PHLPP1: variants seen among roughly 807,000 people sequenced by gnomAD.
PHLPP1 encodes the protein PH domain leucine-rich repeat-containing protein phosphatase 1.
A neutral mutation model predicts 117.2 loss-of-function variants in PHLPP1; 42 were observed. The observed-to-expected ratio is 0.36, with a 90% CI of 0.28 to 0.46. The LOEUF is 0.46. Ranked by LOEUF, PHLPP1 falls within the 20% of genes least tolerant of loss-of-function variation. The pLI is 1.00. For missense variants in PHLPP1, 2,084 were observed against 2,241.9 expected (o/e 0.93, Z 1.42); for synonymous variants, 1,042 against 970.7 (o/e 1.07, Z -1.37).
intron 1 of PHLPP1, among the ~76,000 whole-genome samples, chr18:62,767,383 C>A (rs1912583065): frequency 6.6e-6 from 1 of 152,180 alleles, no homozygotes. Context: ...ATTCCTGCAA[C>A]CACTTGAGAA....
intron 14 of PHLPP1, among the ~76,000 whole-genome samples, chr18:62,965,218 G>C (rs533053042): frequency 1.8e-4 from 27 of 152,098 alleles, no homozygotes; most frequent in Non-Finnish European, 3.4e-4. Flanking sequence ...TTGTTTTTTG[G>C]TGTTTTTTGT....
At chr18:62,918,429 A>AATATATATATATACATATATATATAT (rs1909365373) in intron 9 of PHLPP1, among the ~76,000 whole-genome samples, 1 of 140,504 alleles carries the variant, frequency 7.1e-6, no homozygotes, top group African/African-American at 2.7e-5. Flanking sequence ...GTAAAGGATA[A>AATATATATATATACATATATATATAT]ATATATATAT....
chr18:62,829,526 C>T (rs572042448), intron 1 of PHLPP1, among the ~76,000 whole-genome samples: 10 of 152,166 alleles, frequency 6.6e-5, no homozygotes, highest in African/African-American at 2.4e-4. Context: ...CTGAGGCGGG[C>T]GGATCACCTG....
At chr18:62,824,445 C>T (rs1914553339) in intron 1 of PHLPP1, among the ~76,000 whole-genome samples, 1 of 151,950 alleles carries the variant, frequency 6.6e-6, no homozygotes, top group Non-Finnish European at 1.5e-5. Context: ...GTGACAGAAA[C>T]CAGATCAGCA....
At chr18:62,914,095 T>C (rs1173574401) in intron 8 of PHLPP1, among the ~76,000 whole-genome samples, 2 of 152,178 alleles carry the variant, frequency 1.3e-5, no homozygotes, top group East Asian at 3.9e-4. Context: ...CCCAAGTAAA[T>C]GTTTTTAAAT....
intron 13 of PHLPP1, among the ~76,000 whole-genome samples, chr18:62,961,733 A>G (rs1252697510): frequency 2.0e-5 from 3 of 152,182 alleles, no homozygotes; most frequent in Non-Finnish European, 2.9e-5. Context: ...CTTTGAAAAA[A>G]AGATTTAGCT....
chr18:62,816,725 T>TG (rs937689666), intron 1 of PHLPP1, among the ~76,000 whole-genome samples: 11 of 152,186 alleles, frequency 7.2e-5, no homozygotes, highest in African/African-American at 2.7e-4. Context: ...AGTGGCAATT[T>TG]GGGGGATATA....
chr18:62,931,113 C>T (rs908380372), intron 10 of PHLPP1, among the ~76,000 whole-genome samples: 4 of 151,372 alleles, frequency 2.6e-5, no homozygotes, highest in Admixed American at 2.6e-4. Context: ...AGGAGAATTG[C>T]TTGAACCCGG....
intron 1 of PHLPP1, among the ~76,000 whole-genome samples, chr18:62,749,537 C>T (rs1432901433): frequency 6.6e-6 from 1 of 152,208 alleles, no homozygotes; most frequent in Non-Finnish European, 1.5e-5. Context: ...GTGGCTTAAA[C>T]AACAGAAATT....
chr18:62,854,948 C>T (rs1378746659), intron 3 of PHLPP1, among the ~76,000 whole-genome samples: 3 of 152,106 alleles, frequency 2.0e-5, no homozygotes, highest in African/African-American at 4.8e-5. Flanking sequence ...CCACCCACCT[C>T]GGCCTCCCAT....
chr18:62,716,391 G>A lies in PHLPP1; in HGVS notation c.708G>A (p.Gln236=). ...GCGAGGTGGCCGCCCGCCTGCTGCA[G>A]CTGGGCCACAAAGGCGGCGGCGTGG... is the stretch of plus-strand genomic sequence containing the variant. ...TAGEVAARLL[Q]LGHKGGGVVK... Residue 236 remains glutamine, a synonymous_variant, in exon 1 of 17, where the codon CAG becomes CAA. Transcript: ENST00000262719. The surrounding 1 kb of genome is among the most constrained non-coding windows in gnomAD (Gnocchi z 5.7). The A allele has an allele frequency of 1.3e-6, 2 of 1,484,020 alleles. No individual in the cohort carries two copies. The highest frequency in any genetic ancestry group is 1.5e-5 in the African/African-American group (1 of 68,628). 91.9% of individuals were successfully genotyped at this position (1,484,020 alleles called of 1,614,324 possible).
intron 13 of PHLPP1, among the ~76,000 whole-genome samples, 184 bp downstream of exon 13, chr18:62,958,943 G>A (rs1334238813): frequency 1.3e-5 from 2 of 152,264 alleles, no homozygotes; most frequent in Non-Finnish European, 2.9e-5. Context: ...AATCTCAGTA[G>A]TCACTGATAA....
chr18:62,784,768 A>G (rs1236645794), intron 1 of PHLPP1, among the ~76,000 whole-genome samples: 1 of 152,246 alleles, frequency 6.6e-6, no homozygotes, highest in Non-Finnish European at 1.5e-5. Context: ...CACTTAAATC[A>G]ACAGAAGATT....
intron 1 of PHLPP1, among the ~76,000 whole-genome samples, chr18:62,749,069 A>G (rs987653742): frequency 2.0e-5 from 3 of 151,846 alleles, no homozygotes; most frequent in Admixed American, 6.6e-5. Flanking sequence ...GAATACTTCA[A>G]CTCTGATAAC....
At position 62,979,358 on chromosome 18, in the gene PHLPP1, C is replaced by G; in HGVS notation, c.5081C>G (p.Pro1694Arg). 1.3e-6 allele frequency: 2 copies of G among 1,549,114 alleles called. No homozygotes were observed. Among genetic ancestry groups the G allele is most frequent in the Admixed American group, 2.0e-5 (1 of 51,072 alleles). Residue 1694 changes from proline to arginine, a missense_variant, in exon 17 of 17, where the codon CCT becomes CGT. This residue lies in a region of PHLPP1 where 1,365 missense variants were observed against 1,605.9 expected (regional missense o/e 0.85). Transcript: ENST00000262719. ...QQQQQQPPPPPQLQPQLPRHY... is the reference protein window; with the variant it reads ...QQQQQQPPPPRQLQPQLPRHY... ...CAGCAGCAGCAGCCGCCACCACCCCCTCAGCTCCAGCCGCAGCTGCCGCGG... is the reference window on the plus strand; with the variant it reads ...CAGCAGCAGCAGCCGCCACCACCCCGTCAGCTCCAGCCGCAGCTGCCGCGG...
In PHLPP1 at chr18:62,906,329, C is replaced by T. The variant is rs551146988; in HGVS notation, c.2708+1045C>T. The stretch of plus-strand genomic sequence containing the variant: ...CAAGATGGCCGAATAGGAACAGCTC[C>T]GGTCTACAGCTCCCAGCGTGAGCGA... On this transcript the variant is annotated intron_variant, in intron 8 of 16. Transcript: ENST00000262719. 237 of 153,424 alleles carry T rather than the reference C, an allele frequency of 1.5e-3. 1 individual carries two copies. Among genetic ancestry groups the T allele is most frequent in the Non-Finnish European group, 6.1e-4 (42 of 68,942 alleles). The allele number at this position is 153,424 out of a possible 1,614,324, so 9.5% of individuals were successfully genotyped here. A position where few individuals can be genotyped will look rare whatever the true frequency, so the allele number is the denominator to read the frequency against.
intron 1 of PHLPP1, among the ~76,000 whole-genome samples, chr18:62,742,504 T>C (rs567153745): frequency 4.1e-4 from 63 of 152,292 alleles, no homozygotes; most frequent in Middle Eastern, 6.8e-3. Context: ...GGCGCTATCT[T>C]GGCTCACTGC....
chr18:62,834,583 T>C (rs1271862660), intron 2 of PHLPP1, among the ~76,000 whole-genome samples: 1 of 152,216 alleles, frequency 6.6e-6, no homozygotes, highest in Non-Finnish European at 1.5e-5. Flanking sequence ...CGCAAGATGA[T>C]ACCAAGTTGT....
intron 1 of PHLPP1, among the ~76,000 whole-genome samples, chr18:62,777,695 C>T (rs913302113): frequency 3.3e-5 from 5 of 151,872 alleles, no homozygotes; most frequent in South Asian, 2.1e-4. Context: ...TTACCTTTTC[C>T]GTCACTGTCT....
Sources: gnomAD v4.1 joint callset for allele counts (sites outside exome capture counted in the v4.1 genomes callset) on GRCh38, gnomAD v4.1.1 for gene constraint, gnomAD v4.1.1 regional missense constraint, Gnocchi (gnomAD v3.1) non-coding constraint, MANE v1.5 for transcripts, NCBI Gene and HGNC (gene_info 2026-07-23, HGNC 2026-07-21) for gene names.